The following RGS7 variants were observed in gnomAD, a reference collection of about 807,000 sequenced individuals.
The protein encoded by RGS7 is regulator of G-protein signaling 7.
RGS7 carries 27 observed loss-of-function variants against 81.1 expected under a neutral mutation model. That is an observed-to-expected ratio of 0.33 (90% CI 0.25 to 0.46). RGS7 has a LOEUF of 0.46. RGS7 is among the 20% of genes least tolerant of loss of function. RGS7 has a pLI of 1.00. For missense variants in RGS7, 396 were observed against 607.4 expected (o/e 0.65, Z 3.66); for synonymous variants, 208 against 207.7 (o/e 1.00, Z -0.01).
intron 2 of RGS7, among the ~76,000 whole-genome samples, chr1:241,174,704 C>T (rs2070973848): frequency 6.6e-6 from 1 of 152,020 alleles, no homozygotes; most frequent in African/African-American, 2.4e-5. Context: ...AAAAAGTTAG[C>T]AAAAAGTACG....
chr1:240,842,209 T>TTTTTTTTTTTTTTTTTTTTTTTG (rs1658177003), intron 9 of RGS7, among the ~76,000 whole-genome samples: 1 of 120,392 alleles, frequency 8.3e-6, no homozygotes, highest in Admixed American at 8.3e-5. Context: ...ATTTTTTTTT[T>TTTTTTTTTTTTTTTTTTTTTTTG]TTTTTTTGAG....
intron 2 of RGS7, among the ~76,000 whole-genome samples, chr1:241,260,109 A>G (rs762925653): frequency 6.6e-6 from 1 of 152,170 alleles, no homozygotes; most frequent in Non-Finnish European, 1.5e-5. Flanking sequence ...TTCGTCTCAG[A>G]AAGTCTTGCC....
chr1:240,800,768 G>T, intron 17 of RGS7, 47 bp from the exon 18 acceptor site: 2 of 1,206,916 alleles, frequency 1.7e-6, no homozygotes, highest in Non-Finnish European at 2.4e-6. Context: ...CTTACACAAT[G>T]TCAGAAAGTT....
intron 2 of RGS7, among the ~76,000 whole-genome samples, chr1:241,171,419 C>A (rs551569580): frequency 5.9e-5 from 9 of 152,218 alleles, no homozygotes; most frequent in African/African-American, 2.2e-4. Flanking sequence ...TCATGTAAGT[C>A]ACCCAGTTCT....
intron 4 of RGS7, among the ~76,000 whole-genome samples, chr1:240,974,268 A>G (rs1683730146): frequency 6.6e-6 from 1 of 152,204 alleles, no homozygotes; most frequent in African/African-American, 2.4e-5. Context: ...TTTATCCTAG[A>G]TAAATTATAT....
intron 2 of RGS7, among the ~76,000 whole-genome samples, chr1:241,186,981 G>C (rs1296033244): frequency 6.6e-6 from 1 of 152,078 alleles, no homozygotes; most frequent in African/African-American, 2.4e-5. Flanking sequence ...TATTCTCATA[G>C]AAACTTAAGC....
chr1:240,888,588 G>A (rs1327149630), intron 6 of RGS7, among the ~76,000 whole-genome samples: 1 of 152,192 alleles, frequency 6.6e-6, no homozygotes, highest in Non-Finnish European at 1.5e-5. Context: ...TGTGAATAAA[G>A]TAATAACAAT....
chr1:241,166,861 T>C (rs2070294750), intron 2 of RGS7, among the ~76,000 whole-genome samples: 1 of 152,188 alleles, frequency 6.6e-6, no homozygotes, highest in African/African-American at 2.4e-5. Context: ...ACAATGGAAT[T>C]CCTTCCAGAA....
chr1:241,027,710 C>A (rs10926394), intron 3 of RGS7, among the ~76,000 whole-genome samples: 28,911 of 151,868 alleles, frequency 0.19, 3,672 homozygotes, highest in African/African-American at 0.36. Flanking sequence ...TTTACAACTG[C>A]ATGAGAGGAG....
At chr1:241,253,310 G>A (rs141206424) in intron 2 of RGS7, among the ~76,000 whole-genome samples, 130 of 152,276 alleles carry the variant, frequency 8.5e-4, no homozygotes, top group African/African-American at 2.8e-3. Flanking sequence ...AGCCAGTGGG[G>A]ATAGAAGACT....
At chr1:241,281,652 C>T (rs2078519254) in intron 2 of RGS7, among the ~76,000 whole-genome samples, 1 of 152,154 alleles carries the variant, frequency 6.6e-6, no homozygotes, top group Non-Finnish European at 1.5e-5. Flanking sequence ...TGTAAACAGA[C>T]AACATAAACT....
chr1:241,010,311 T>A (rs2058895229), intron 3 of RGS7, among the ~76,000 whole-genome samples: 1 of 152,242 alleles, frequency 6.6e-6, no homozygotes, highest in African/African-American at 2.4e-5. Flanking sequence ...ACAGTCTGGA[T>A]GCTTGTGGTA....
rs554559124 is a variant in RGS7 at position 241,346,843 on chromosome 1, T to C, written c.78+8856A>G. Among the ~76,000 whole-genome samples, 8 of 152,200 alleles carry C rather than the reference T, an allele frequency of 5.3e-5. No individual in the cohort carries two copies. In the South Asian group the frequency reaches 1.7e-3, roughly 32 times the overall value. ...AAAAGCCTAAAAACAAAATACCAAATATAAAATTTAGAACCAGTGACAAAT... is the reference window on the plus strand; with the variant it reads ...AAAAGCCTAAAAACAAAATACCAAACATAAAATTTAGAACCAGTGACAAAT... On this transcript the variant is annotated intron_variant, in intron 2 of 18. Coordinates refer to ENST00000440928, the MANE Select transcript of RGS7 (RefSeq NM_001364886.1).
chr1:240,812,124 C>G, intron 13 of RGS7, 81 bp from the exon 14 acceptor site: 1 of 1,499,520 alleles, frequency 6.7e-7, no homozygotes, highest in Non-Finnish European at 9.3e-7. Flanking sequence ...CCTTCAAAAT[C>G]ATGTGTGCCT....
chr1:240,788,536 A>G (rs1685443090), intron 18 of RGS7, among the ~76,000 whole-genome samples: 1 of 152,360 alleles, frequency 6.6e-6, no homozygotes, highest in African/African-American at 2.4e-5. Flanking sequence ...AATTGGATCC[A>G]TCAGAAAATG....
chr1:240,864,968 T>C (rs549622262), intron 9 of RGS7, among the ~76,000 whole-genome samples: 2 of 152,190 alleles, frequency 1.3e-5, no homozygotes, highest in Admixed American at 1.3e-4. Flanking sequence ...TTTTTTTTGC[T>C]TTTTCCTTTT....
At chr1:240,884,794 A>C (rs754317100) in intron 6 of RGS7, among the ~76,000 whole-genome samples, 1 of 152,182 alleles carries the variant, frequency 6.6e-6, no homozygotes, top group Non-Finnish European at 1.5e-5. Context: ...ACCCAAAACT[A>C]TAAACTCTGG....
At chr1:241,074,830 C>T (rs534101364) in intron 3 of RGS7, among the ~76,000 whole-genome samples, 50 of 152,194 alleles carry the variant, frequency 3.3e-4, no homozygotes, top group Middle Eastern at 6.8e-3. Context: ...CCAGTATATG[C>T]GGTAGCTACA....
At chr1:240,862,099 T>C (rs1662315371) in intron 9 of RGS7, among the ~76,000 whole-genome samples, 1 of 152,210 alleles carries the variant, frequency 6.6e-6, no homozygotes, top group South Asian at 2.1e-4. Context: ...CTGGCAATTC[T>C]GTCTGGAGTC....
Sources: allele counts gnomAD v4.1 joint callset (sites outside exome capture counted in the v4.1 genomes callset), GRCh38; gene constraint gnomAD v4.1.1; transcripts MANE v1.5; gene names NCBI Gene and HGNC (gene_info 2026-07-23, HGNC 2026-07-21).